CAMKV: variants seen among roughly 807,000 people sequenced by gnomAD.
CAMKV encodes caM kinase-like vesicle-associated protein.
CAMKV carries 5 observed loss-of-function variants against 50.2 expected under a neutral mutation model. That is an observed-to-expected ratio of 0.10 (90% confidence interval 0.05 to 0.21). The LOEUF (loss-of-function observed/expected upper bound fraction) is 0.21, where lower values mean the gene tolerates loss of function less well. Ranked by LOEUF, CAMKV falls within the 10% of genes least tolerant of loss-of-function variation. The pLI, the probability that CAMKV is intolerant of heterozygous loss-of-function variation, is 1.00. For missense variants in CAMKV, 361 were observed against 650.5 expected (o/e 0.55, Z 4.84); for synonymous variants, 229 against 250.1 (o/e 0.92, Z 0.80).
At chr3:49,865,160 T>C (rs2082054341) in intron 1 of CAMKV, among the ~76,000 whole-genome samples, 2 of 152,256 alleles carry the variant, frequency 1.3e-5, no homozygotes, top group African/African-American at 2.4e-5. Context: ...AGATCGTCAC[T>C]GACTGCATGT....
Position 49,861,946 on chromosome 3 carries a change from G to C in CAMKV, c.228-81C>G. On this transcript the variant is annotated intron_variant, in intron 3 of 10. Transcript: ENST00000477224. The surrounding 1 kb of genome is among the most constrained non-coding windows in gnomAD (Gnocchi z 7.7). Reference sequence around the variant, plus strand: ...TGTGGTCACCACAGTGGCCACAGCAGACTAATTGGCCAGAGGCTGGGACTG... The same window carrying C: ...TGTGGTCACCACAGTGGCCACAGCACACTAATTGGCCAGAGGCTGGGACTG... The C allele has an allele frequency of 6.2e-7, 1 of 1,607,128 alleles. No homozygotes were observed. The highest frequency in any genetic ancestry group is 8.5e-7 in the Non-Finnish European group (1 of 1,175,834).
intron 1 of CAMKV, among the ~76,000 whole-genome samples, chr3:49,866,597 CA>C (rs1437714721): frequency 6.6e-6 from 1 of 152,240 alleles, no homozygotes; most frequent in Non-Finnish European, 1.5e-5. Context: ...GTGGGGAGTG[CA>C]GGCCCTGGTG....
intron 1 of CAMKV, among the ~76,000 whole-genome samples, chr3:49,865,956 G>A (rs1246351399): frequency 6.6e-6 from 1 of 152,188 alleles, no homozygotes; most frequent in Non-Finnish European, 1.5e-5. Context: ...TGGTCATGGG[G>A]GTCTGTCCCA....
At position 49,859,988 on chromosome 3, in the gene CAMKV, C is replaced by T. The variant is rs1378750015; in HGVS notation, c.943-107G>A. 16 of 1,148,270 alleles carry T rather than the reference C, an allele frequency of 1.4e-5. No homozygotes were observed. Among genetic ancestry groups the T allele is most frequent in the Middle Eastern group, 2.3e-4 (1 of 4,422 alleles). 71.1% of individuals were successfully genotyped at this position (1,148,270 alleles called of 1,614,324 possible). A position where few individuals can be genotyped will look rare whatever the true frequency, so the allele number is the denominator to read the frequency against. On this transcript the variant is annotated intron_variant, in intron 10 of 10. Transcript: ENST00000477224. This position sits in a 1 kb window ranked among gnomAD's most constrained non-coding sequence, Gnocchi z 5.5. ...CATAGTACCCCCGGCCACCTCCATC[C>T]ACCCCAGGGCCAAGTACTCAGCTGC... is the stretch of plus-strand genomic sequence containing the variant.
chr3:49,869,273 T>TC lies in CAMKV; in HGVS notation c.-15+484dup, dbSNP rs1005709439. 2.6e-5 allele frequency among the ~76,000 whole-genome samples: 4 copies of TC among 152,042 alleles called. No individual in the cohort carries two copies. Among genetic ancestry groups the TC allele is most frequent in the African/African-American group, 9.7e-5 (4 of 41,396 alleles). On this transcript the variant is annotated intron_variant, in intron 1 of 10. Coordinates refer to ENST00000477224, the MANE Select transcript of CAMKV (RefSeq NM_024046.5). This position sits in a 1 kb window ranked among gnomAD's most constrained non-coding sequence, Gnocchi z 5.2. Reference sequence around the variant, plus strand: ...TGAATTTTGGCTGGGGGGCTGCTGGTCCCCAGGGGCTTGGAGCTTCCTCCC... The same window carrying TC: ...TGAATTTTGGCTGGGGGGCTGCTGGTCCCCCAGGGGCTTGGAGCTTCCTCCC...
rs748940995 is a variant in CAMKV at position 49,859,394 on chromosome 3, C to G, written c.1430G>C (p.Gly477Ala). Reference sequence around the variant, plus strand: ...CCCTTTACTAGAGGGTGGAGCCTGGCCTGTGGCGCCCTCTGGGGCTGTGCT... The same window carrying G: ...CCCTTTACTAGAGGGTGGAGCCTGGGCTGTGGCGCCCTCTGGGGCTGTGCT... Reference protein sequence around the residue: ...PDSTAPEGATGQAPPSSKGEE... With the variant: ...PDSTAPEGATAQAPPSSKGEE... The change falls in exon 11 of 11, where the codon GGC becomes GCC. Residue 477 changes from glycine to alanine, a missense_variant. Physicochemically the swap from Gly to Ala is moderately conservative, Grantham distance 60. This residue lies in a region of CAMKV where 75 missense variants were observed against 84.2 expected (regional missense o/e 0.89). Transcript: ENST00000477224. This position sits in a 1 kb window ranked among gnomAD's most constrained non-coding sequence, Gnocchi z 5.5. 19 of 1,595,620 alleles carry G rather than the reference C, an allele frequency of 1.2e-5. No homozygotes were observed. In the South Asian group the frequency reaches 2.1e-4, roughly 18 times the overall value.
Position 49,860,159 on chromosome 3 carries a change from T to C in CAMKV, c.942+12A>G. 1.2e-6 allele frequency: 2 copies of C among 1,611,040 alleles called. No individual in the cohort carries two copies. Among genetic ancestry groups the C allele is most frequent in the Non-Finnish European group, 1.7e-6 (2 of 1,177,192 alleles). ...TGGGATAGAGCCAAGAAGGGAGTTATCCAAGCCTTACCTTCCACTTGGCCC... is the reference window on the plus strand; with the variant it reads ...TGGGATAGAGCCAAGAAGGGAGTTACCCAAGCCTTACCTTCCACTTGGCCC... On this transcript the variant is annotated intron_variant, in intron 10 of 10. Transcript: ENST00000477224. This position sits in a 1 kb window ranked among gnomAD's most constrained non-coding sequence, Gnocchi z 6.1.
At chr3:49,865,220 G>A (rs2082055120) in intron 1 of CAMKV, among the ~76,000 whole-genome samples, 1 of 152,232 alleles carries the variant, frequency 6.6e-6, no homozygotes, top group Admixed American at 6.5e-5. Flanking sequence ...AGAAGCATGT[G>A]GCCAGAATCC....
chr3:49,860,389 A>G lies in CAMKV; in HGVS notation c.854+82T>C. The G allele has an allele frequency of 6.4e-7, 1 of 1,551,636 alleles. No homozygotes were observed. The highest frequency in any genetic ancestry group is 8.9e-7 in the Non-Finnish European group (1 of 1,128,848). On this transcript the variant is annotated intron_variant, in intron 9 of 10. Coordinates refer to ENST00000477224, the MANE Select transcript of CAMKV (RefSeq NM_024046.5). This position sits in a 1 kb window ranked among gnomAD's most constrained non-coding sequence, Gnocchi z 6.1. Reference sequence around the variant, plus strand: ...GCTGCCCTGAGCTCTAGGTACCTGCACCCCTTCCAGGCCTCAAAGATGGGG... The same window carrying G: ...GCTGCCCTGAGCTCTAGGTACCTGCGCCCCTTCCAGGCCTCAAAGATGGGG...
In CAMKV at chr3:49,861,736, G is replaced by T; in HGVS notation, c.302+55C>A. ...GGGTTTCCTTAGCTGCAGAGGGTGG[G>T]ACAGGTGAAAGCCCTGGGCGCTGGG... On this transcript the variant is annotated intron_variant, in intron 4 of 10. Coordinates refer to ENST00000477224, the MANE Select transcript of CAMKV (RefSeq NM_024046.5). This position sits in a 1 kb window ranked among gnomAD's most constrained non-coding sequence, Gnocchi z 7.7. 6.2e-7 allele frequency: 1 copy of T among 1,602,268 alleles called. No homozygotes were observed. The highest frequency in any genetic ancestry group is 8.5e-7 in the Non-Finnish European group (1 of 1,169,828).
Position 49,862,456 on chromosome 3 carries a change from C to A in CAMKV, c.-14-54G>T. ...TGTACTACTCTCCACTTCCCCACAACATAGGGGCTGCTTTTGGGAGACCCC... is the reference window on the plus strand; with the variant it reads ...TGTACTACTCTCCACTTCCCCACAAAATAGGGGCTGCTTTTGGGAGACCCC... On this transcript the variant is annotated intron_variant, in intron 1 of 10. Coordinates refer to ENST00000477224, the MANE Select transcript of CAMKV (RefSeq NM_024046.5). This position sits in a 1 kb window ranked among gnomAD's most constrained non-coding sequence, Gnocchi z 5.2. The A allele has an allele frequency of 6.7e-7, 1 of 1,491,862 alleles. No homozygotes were observed. Among genetic ancestry groups the A allele is most frequent in the Non-Finnish European group, 9.4e-7 (1 of 1,068,512 alleles). The allele number at this position is 1,491,862 out of a possible 1,614,324, so 92.4% of individuals were successfully genotyped here.
intron 1 of CAMKV, among the ~76,000 whole-genome samples, chr3:49,868,312 A>C (rs567833696): frequency 1.3e-5 from 2 of 152,146 alleles, no homozygotes; most frequent in South Asian, 4.2e-4. Flanking sequence ...GGGTCCCCAG[A>C]GCCCCTCTTA....
rs2081997002 is a variant in CAMKV, at chr3:49,858,682, C to T, written c.*636G>A. On this transcript the variant is annotated 3_prime_UTR_variant, in exon 11 of 11. Transcript: ENST00000477224. ...GTCTTAGGAAGGACAAAAATGGAAG[C>T]TTCTGCCCTCCTACTCATTCTCTCC... 1 of 251,282 alleles carries T rather than the reference C, an allele frequency of 4.0e-6. No homozygotes were observed. Among genetic ancestry groups the T allele is most frequent in the East Asian group, 7.2e-5 (1 of 13,844 alleles). The allele number at this position is 251,282 out of a possible 1,614,324, so 15.6% of individuals were successfully genotyped here. A position where few individuals can be genotyped will look rare whatever the true frequency, so the allele number is the denominator to read the frequency against.
chr3:49,861,282 A>G lies in CAMKV; in HGVS notation c.460T>C (p.Tyr154His), dbSNP rs770201843. The G allele has an allele frequency of 9.9e-6, 16 of 1,614,000 alleles. No individual in the cohort carries two copies. The highest frequency in any genetic ancestry group is 1.4e-5 in the Non-Finnish European group (16 of 1,180,050). ...ATCTTCGAGTTCTTCAGCCGGTTGT[A>G]GTAAACCAGGTTCTCCAGCTGTGGT... ...RNLKLENLVYYNRLKNSKIVI... is the reference protein window; with the variant it reads ...RNLKLENLVYHNRLKNSKIVI... Residue 154 changes from tyrosine to histidine, a missense_variant, in exon 6 of 11, where the codon TAC becomes CAC. Physicochemically the swap from Tyr to His is moderately conservative, Grantham distance 83. Coordinates refer to ENST00000477224, the MANE Select transcript of CAMKV (RefSeq NM_024046.5). The surrounding 1 kb of genome is among the most constrained non-coding windows in gnomAD (Gnocchi z 7.7).
chr3:49,862,522 G>A lies in CAMKV; in HGVS notation c.-14-120C>T, dbSNP rs1429357272. On this transcript the variant is annotated intron_variant, in intron 1 of 10. Coordinates refer to ENST00000477224, the MANE Select transcript of CAMKV (RefSeq NM_024046.5). The surrounding 1 kb of genome is among the most constrained non-coding windows in gnomAD (Gnocchi z 5.2). ...AAGCTAGGGGCAGAGACCATACCAG[G>A]AGGGGCTAGAGGATAGGCAGGCTTA... The A allele has an allele frequency of 7.7e-6, 6 of 783,192 alleles. No homozygotes were observed. Among genetic ancestry groups the A allele is most frequent in the Non-Finnish European group, 1.3e-5 (6 of 460,280 alleles). The allele number at this position is 783,192 out of a possible 1,614,324, so 48.5% of individuals were successfully genotyped here. A position where few individuals can be genotyped will look rare whatever the true frequency, so the allele number is the denominator to read the frequency against.
Position 49,860,105 on chromosome 3 carries a change from G to A in CAMKV, c.942+66C>T. On this transcript the variant is annotated intron_variant, in intron 10 of 10. Coordinates refer to ENST00000477224, the MANE Select transcript of CAMKV (RefSeq NM_024046.5). The surrounding 1 kb of genome is among the most constrained non-coding windows in gnomAD (Gnocchi z 6.1). Reference sequence around the variant, plus strand: ...GTGTGGCTGCAGGGGTGTGATGCAGGCAAGAAACTGAGTGCCAGAAGCAAT... The same window carrying A: ...GTGTGGCTGCAGGGGTGTGATGCAGACAAGAAACTGAGTGCCAGAAGCAAT... 1 of 1,421,714 alleles carries A rather than the reference G, an allele frequency of 7.0e-7. No homozygotes were observed. The highest frequency in any genetic ancestry group is 9.9e-7 in the Non-Finnish European group (1 of 1,005,946). 88.1% of individuals were successfully genotyped at this position (1,421,714 alleles called of 1,614,324 possible). A position where few individuals can be genotyped will look rare whatever the true frequency, so the allele number is the denominator to read the frequency against.
In CAMKV at chr3:49,859,623, T is replaced by G. The variant is rs556114266; in HGVS notation, c.1201A>C (p.Ser401Arg). The change falls in exon 11 of 11, where the codon AGT (serine) becomes CGT (arginine). Residue 401 changes from serine (S) to arginine (R), a missense_variant. This residue lies in a region of CAMKV where 27 missense variants were observed against 59.9 expected (regional missense o/e 0.45). Transcript: ENST00000477224. The surrounding 1 kb of genome is among the most constrained non-coding windows in gnomAD (Gnocchi z 5.5). ...CTTCCATCGGTGGCTGGGGTGACAC[T>G]GCCATCAGTGGCTGGGGTGGCACTT... ...DGSATPATDG[S>R]VTPATDGSIT... 429 of 1,614,080 alleles carry G rather than the reference T, an allele frequency of 2.7e-4. 4 individuals are homozygous for G. In the South Asian group the frequency reaches 3.0e-3, roughly 11 times the overall value.
In CAMKV at chr3:49,861,504, C is replaced by G; in HGVS notation, c.376G>C (p.Val126Leu). 6.2e-7 allele frequency: 1 copy of G among 1,614,208 alleles called. No homozygotes were observed. Among genetic ancestry groups the G allele is most frequent in the Non-Finnish European group, 8.5e-7 (1 of 1,180,058 alleles). Reference sequence around the variant, plus strand: ...GCCACGGCCTCCAGGACTTGCCGTACCACGTTGCTTGTGTCTCGCTCCGAG... The same window carrying G: ...GCCACGGCCTCCAGGACTTGCCGTAGCACGTTGCTTGTGTCTCGCTCCGAG... Reference protein sequence around the residue: ...YYSERDTSNVVRQVLEAVAYL... With the variant: ...YYSERDTSNVLRQVLEAVAYL... The change falls in exon 5 of 11, where the codon GTA (valine) becomes CTA (leucine). Residue 126 changes from valine (V) to leucine (L), a missense_variant. By Grantham distance (32) the Val-to-Leu change is conservative. Around this residue, in one of 4 missense-constraint regions of CAMKV, gnomAD observed 172 missense variants for 414.3 expected, o/e 0.42. Coordinates refer to ENST00000477224, the MANE Select transcript of CAMKV (RefSeq NM_024046.5). The surrounding 1 kb of genome is among the most constrained non-coding windows in gnomAD (Gnocchi z 7.7).
chr3:49,860,812 C>A lies in CAMKV; in HGVS notation c.679G>T (p.Asp227Tyr), dbSNP rs1199285295. 3 of 1,614,032 alleles carry A rather than the reference C, an allele frequency of 1.9e-6. No homozygotes were observed. In the Admixed American group the frequency reaches 5.0e-5, roughly 27 times the overall value. The change falls in exon 8 of 11, where the codon GAT (aspartate) becomes TAT (tyrosine). Residue 227 changes from aspartate (D) to tyrosine (Y), a missense_variant. Coordinates refer to ENST00000477224, the MANE Select transcript of CAMKV (RefSeq NM_024046.5). This position sits in a 1 kb window ranked among gnomAD's most constrained non-coding sequence, Gnocchi z 6.1. ...TTCTTATCATGGTTCTCATAATCAT[C>A]TTCTTCCACCTCCTCATAGAAAGGT... ...NPPFYEEVEE[D>Y]DYENHDKNLF...
Sources: gnomAD v4.1 joint callset for allele counts (sites outside exome capture counted in the v4.1 genomes callset) on GRCh38, gnomAD v4.1.1 for gene constraint, gnomAD v4.1.1 regional missense constraint, Gnocchi (gnomAD v3.1) non-coding constraint, MANE v1.5 for transcripts, NCBI Gene and HGNC (gene_info 2026-07-23, HGNC 2026-07-21) for gene names.